The following KIAA1210 variants were observed in gnomAD, a reference collection of about 807,000 sequenced individuals.
KIAA1210 encodes acrosomal protein KIAA1210.
KIAA1210 carries 48 observed loss-of-function variants against 78.9 expected under a neutral mutation model. The observed-to-expected ratio is 0.61, with a 90% CI of 0.48 to 0.77. The LOEUF (loss-of-function observed/expected upper bound fraction) is 0.77. Among genes scored for constraint, KIAA1210 ranks in the 30% least tolerant of loss-of-function variants. The pLI is 0.00. For synonymous variants in KIAA1210, 406 were observed against 404.5 expected (o/e 1.00, Z -0.04); for missense variants, 1,108 against 1,100.0 (o/e 1.01, Z -0.10).
intron 2 of KIAA1210, among the ~76,000 whole-genome samples, chrX:119,140,478 G>A (rs1414259703): frequency 2.0e-5 from 2 of 100,587 alleles, no homozygotes; most frequent in Non-Finnish European, 4.0e-5. Flanking sequence ...GCAGTGAGCT[G>A]AGATTGCGCC....
At chrX:119,147,445 T>C in intron 2 of KIAA1210, 1 of 1,208,798 alleles carries the variant, frequency 8.3e-7, no homozygotes, top group South Asian at 1.8e-5. Flanking sequence ...AGGTGTCAAG[T>C]ACCTGTTGCA....
chrX:119,112,129 A>G (rs1410786425), intron 3 of KIAA1210, among the ~76,000 whole-genome samples: 1 of 111,486 alleles, frequency 9.0e-6, no homozygotes, highest in Non-Finnish European at 1.9e-5. Flanking sequence ...TACTGCCACC[A>G]TGTAAGACGT....
chrX:119,096,765 G>A (rs56037840), intron 6 of KIAA1210, 74 bp from the exon 7 acceptor site: 421 of 765,250 alleles, frequency 5.5e-4, no homozygotes, highest in Non-Finnish European at 7.1e-4. Context: ...ATATTCTTCC[G>A]GCTGAAGAAT....
chrX:119,116,860 G>A, intron 2 of KIAA1210, among the ~76,000 whole-genome samples, 196 bp from the exon 3 acceptor site: 1 of 111,877 alleles, frequency 8.9e-6, no homozygotes, highest in Middle Eastern at 4.6e-3. Context: ...CAGTAACAAA[G>A]TGTCTGAGTT....
At chrX:119,117,550 GCTGT>G (rs1442643832) in intron 2 of KIAA1210, among the ~76,000 whole-genome samples, 4 of 105,648 alleles carry the variant, frequency 3.8e-5, no homozygotes, top group Admixed American at 2.1e-4. Flanking sequence ...CCCTTAAGGT[GCTGT>G]CTGTTTGGGC....
At chrX:119,083,864 T>C (rs1365673028) in intron 10 of KIAA1210, among the ~76,000 whole-genome samples, 1 of 108,212 alleles carries the variant, frequency 9.2e-6, no homozygotes, top group Non-Finnish European at 1.9e-5. Context: ...GGCGCACACC[T>C]ATAGTGCCTA....
chrX:119,134,259 A>G (rs1928860934), intron 2 of KIAA1210, among the ~76,000 whole-genome samples: 1 of 109,135 alleles, frequency 9.2e-6, no homozygotes, highest in Non-Finnish European at 1.9e-5. Context: ...TATTTCACTT[A>G]ACATAACATC....
At chrX:119,121,303 G>T (rs1348760235) in intron 2 of KIAA1210, among the ~76,000 whole-genome samples, 1 of 111,504 alleles carries the variant, frequency 9.0e-6, no homozygotes, top group East Asian at 2.8e-4. Flanking sequence ...TAGACAGCAG[G>T]TATGGGTAAA....
intron 3 of KIAA1210, among the ~76,000 whole-genome samples, chrX:119,112,343 T>C (rs1928107246): frequency 9.0e-6 from 1 of 111,579 alleles, no homozygotes; most frequent in Non-Finnish European, 1.9e-5. Context: ...TGGAAGAATA[T>C]ATTTGCAAAT....
chrX:119,121,851 C>A (rs1227092756), intron 2 of KIAA1210, among the ~76,000 whole-genome samples: 1 of 110,246 alleles, frequency 9.1e-6, no homozygotes, highest in East Asian at 2.8e-4. Flanking sequence ...TCACTGCAAC[C>A]TCCACCTCCC....
chrX:119,120,623 G>A (rs186646798), intron 2 of KIAA1210, among the ~76,000 whole-genome samples: 21 of 112,489 alleles, frequency 1.9e-4, no homozygotes, highest in African/African-American at 6.5e-4. Context: ...TGTAACAGGT[G>A]CTGAAAGTTA....
chrX:119,119,377 A>G (rs1323468194), intron 2 of KIAA1210, among the ~76,000 whole-genome samples: 2 of 112,312 alleles, frequency 1.8e-5, no homozygotes, highest in African/African-American at 6.5e-5. Context: ...GTTTTGGATG[A>G]CTTGGGCAAT....
intron 8 of KIAA1210, among the ~76,000 whole-genome samples, chrX:119,092,588 C>T (rs749785129): frequency 1.8e-5 from 2 of 110,045 alleles, no homozygotes; most frequent in South Asian, 7.8e-4. Context: ...GGTGAAACTC[C>T]CTCTCTACTA....
chrX:119,083,019 T>A lies in KIAA1210; in HGVS notation c.4422A>T (p.Lys1474Asn), dbSNP rs1927014486. The A allele has an allele frequency of 8.5e-7, 1 of 1,179,596 alleles. No homozygotes were observed. The highest frequency in any genetic ancestry group is 1.8e-5 in the African/African-American group (1 of 56,340). ...TAQMKPPKPT[K>N]SVGFEAQKIL... ...GGTCAGAATGTATGCTTTTACCTGA[T>A]TTTGTAGGCTTAGGTGGCTTCATCT... Residue 1474 changes from lysine (K) to asparagine (N), a missense_variant, in exon 11 of 12, where the codon AAA becomes AAT. Lys to Asn is a moderately conservative substitution (Grantham distance 94, BLOSUM62 0). Transcript: ENST00000691062.
At chrX:119,118,269 T>C (rs1350609263) in intron 2 of KIAA1210, among the ~76,000 whole-genome samples, 1 of 111,690 alleles carries the variant, frequency 9.0e-6, no homozygotes, top group Non-Finnish European at 1.9e-5. Context: ...TGACCTGGAG[T>C]AGGTCACTCA....
In KIAA1210 at chrX:119,136,799, C is replaced by T. The variant is rs73213137; in HGVS notation, c.410+10674G>A. On this transcript the variant is annotated intron_variant, in intron 2 of 13. Coordinates refer to the KIAA1210 transcript ENST00000402510. ...AATTTAGGACCTCAGATTTCTTTAA[C>T]CCTGATCCCATGTACAGCCCTGCAG... Among the ~76,000 whole-genome samples, 524 of 112,304 alleles carry T rather than the reference C, an allele frequency of 4.7e-3. 1 individual carries two copies. Among genetic ancestry groups the T allele is most frequent in the Non-Finnish European group, 8.5e-3 (451 of 53,208 alleles).
At chrX:119,142,947 C>T (rs1929084261) in intron 2 of KIAA1210, among the ~76,000 whole-genome samples, 1 of 111,228 alleles carries the variant, frequency 9.0e-6, no homozygotes, top group South Asian at 3.9e-4. Context: ...TCCCACTAGG[C>T]TTCACCTTCA....
At chrX:119,109,045 A>G (rs1569317904) in intron 4 of KIAA1210, 31 bp downstream of exon 4, 1 of 1,203,966 alleles carries the variant, frequency 8.3e-7, no homozygotes. Context: ...AAGTAGTCCA[A>G]TTAGACACTG....
chrX:119,085,546 C>A lies in KIAA1210; in HGVS notation c.4157G>T (p.Gly1386Val), dbSNP rs1466090463. Residue 1386 changes from glycine (G) to valine (V), a missense_variant and splice_region_variant, in exon 10 of 12, where the codon GGA (glycine) becomes GTA (valine). Gly to Val is a moderately radical substitution (Grantham distance 109). This residue lies in a region of KIAA1210 where 245 missense variants were observed against 278.8 expected (regional missense o/e 0.88). Coordinates refer to ENST00000691062, the MANE Select transcript of KIAA1210 (RefSeq NM_001394962.1). ...AKKQPACKTP[G>V]KPAGQQSDYA... ...ATCTGACTGTTGACCAGCAGGCTTT[C>A]CTGAGAAAGAAATGAAAGGAGTTAG... 1 of 1,206,184 alleles carries A rather than the reference C, an allele frequency of 8.3e-7. No individual in the cohort carries two copies. The highest frequency in any genetic ancestry group is 1.1e-6 in the Non-Finnish European group (1 of 893,688).
Sources: gnomAD v4.1 joint callset for allele counts (sites outside exome capture counted in the v4.1 genomes callset) on GRCh38, gnomAD v4.1.1 for gene constraint, gnomAD v4.1.1 regional missense constraint, MANE v1.5 for transcripts, NCBI Gene and HGNC (gene_info 2026-07-23, HGNC 2026-07-21) for gene names.